The following RTCA variants were observed in gnomAD, a reference collection of about 807,000 sequenced individuals.
RTCA encodes the protein RNA 3'-terminal phosphate cyclase, also known as RNA terminal phosphate cyclase domain 1.
Under a neutral mutation model 46.1 loss-of-function variants are expected in RTCA, and 37 were observed. That is an observed-to-expected ratio of 0.80 (90% CI 0.62 to 1.06). The LOEUF (loss-of-function observed/expected upper bound fraction) is 1.06, where lower values mean the gene tolerates loss of function less well. Among genes scored for constraint, RTCA ranks in the 50% least tolerant of loss-of-function variants. The probability of loss-of-function intolerance (pLI) is 0.00; values close to 1 mark genes in which losing one functional copy is unlikely to be tolerated. For missense variants in RTCA, 435 were observed against 455.5 expected, an observed-to-expected ratio of 0.95 and a Z score of 0.41; for synonymous variants, 164 against 158.3, an observed-to-expected ratio of 1.04 and a Z score of -0.27.
chr1:100,285,507 A>G (rs1666973931), intron 9 of RTCA, among the ~76,000 whole-genome samples, 185 bp downstream of exon 9: 1 of 152,204 alleles, frequency 6.6e-6, no homozygotes, highest in Non-Finnish European at 1.5e-5. Context: ...ACGTGTCTAC[A>G]GTGTTTTGCG....
intron 8 of RTCA, among the ~76,000 whole-genome samples, chr1:100,278,963 TTTA>T: frequency 6.6e-6 from 1 of 152,336 alleles, no homozygotes; most frequent in East Asian, 1.9e-4. Flanking sequence ...TCCAGGTACT[TTTA>T]ATGTATACTG....
rs1570867613 is a variant in RTCA at position 100,266,241 on chromosome 1, C to T, written c.-135C>T. ...AGTGTCCCGAGAGGCGCCGCTTCTTCCGCTTTCTCGTCAGGCTCCTGCGCC... is the reference window on the plus strand; with the variant it reads ...AGTGTCCCGAGAGGCGCCGCTTCTTTCGCTTTCTCGTCAGGCTCCTGCGCC... On this transcript the variant is annotated 5_prime_UTR_variant, in exon 1 of 11. Transcript: ENST00000370128. 7 of 1,078,686 alleles carry T rather than the reference C, an allele frequency of 6.5e-6. No homozygotes were observed. Among genetic ancestry groups the T allele is most frequent in the East Asian group, 2.5e-5 (1 of 39,700 alleles). The allele number at this position is 1,078,686 out of a possible 1,614,324, so 66.8% of individuals were successfully genotyped here. A position where few individuals can be genotyped will look rare whatever the true frequency, so the allele number is the denominator to read the frequency against.
At chr1:100,289,064 T>A (rs1207156095) in intron 10 of RTCA, among the ~76,000 whole-genome samples, 1 of 152,192 alleles carries the variant, frequency 6.6e-6, no homozygotes. Context: ...CCTTACGCGA[T>A]CTGCCTGCCT....
At chr1:100,275,136 G>A (rs1050158994) in intron 6 of RTCA, among the ~76,000 whole-genome samples, 171 bp downstream of exon 6, 1 of 152,144 alleles carries the variant, frequency 6.6e-6, no homozygotes, top group African/African-American at 2.4e-5. Context: ...GCAAATTAAT[G>A]TGGGAACAGA....
At chr1:100,283,038 C>T (rs1666797770) in intron 8 of RTCA, among the ~76,000 whole-genome samples, 1 of 151,950 alleles carries the variant, frequency 6.6e-6, no homozygotes, top group South Asian at 2.1e-4. Context: ...CTCAAGCTAT[C>T]TGCCTGCCTC....
At chr1:100,290,294 G>A (rs1667275725) in intron 10 of RTCA, among the ~76,000 whole-genome samples, 1 of 151,954 alleles carries the variant, frequency 6.6e-6, no homozygotes, top group South Asian at 2.1e-4. Context: ...GTTGATGGGA[G>A]TTGTGAGGAG....
chr1:100,280,502 A>G lies in RTCA; in HGVS notation c.799+3186A>G, dbSNP rs568050330. 3.9e-5 allele frequency among the ~76,000 whole-genome samples: 6 copies of G among 152,316 alleles called. No individual in the cohort carries two copies. The South Asian group carries it at 8.3e-4, about 21-fold the overall frequency. On this transcript the variant is annotated intron_variant, in intron 8 of 10. Transcript: ENST00000370128. ...AGGAGAGAATAGAGGAGAGAGCAACATGCCTGCTGAGATTGACTGACTCCT... is the reference window on the plus strand; with the variant it reads ...AGGAGAGAATAGAGGAGAGAGCAACGTGCCTGCTGAGATTGACTGACTCCT...
Position 100,266,280 on chromosome 1 carries a change from A to G in RTCA, c.-96A>G, listed in dbSNP as rs1665763406. Reference sequence around the variant, plus strand: ...GGCTCCTGCGCCCCAGGCATGAACCAAGGTTTCTGAACTACTGGGCGGGAG... The same window carrying G: ...GGCTCCTGCGCCCCAGGCATGAACCGAGGTTTCTGAACTACTGGGCGGGAG... On this transcript the variant is annotated 5_prime_UTR_variant, in exon 1 of 11. Transcript: ENST00000370128. 6.7e-7 allele frequency: 1 copy of G among 1,491,576 alleles called. No homozygotes were observed. Among genetic ancestry groups the G allele is most frequent in the African/African-American group, 1.4e-5 (1 of 70,566 alleles). 92.4% of individuals were successfully genotyped at this position (1,491,576 alleles called of 1,614,324 possible).
At chr1:100,283,849 A>T (rs1278441058) in intron 8 of RTCA, among the ~76,000 whole-genome samples, 3 of 143,934 alleles carry the variant, frequency 2.1e-5, no homozygotes, top group African/African-American at 7.6e-5. Flanking sequence ...ACACTTTGGG[A>T]GGCTGAAGCG....
intron 6 of RTCA, 49 bp from the exon 7 acceptor site, chr1:100,275,550 C>G: frequency 1.4e-6 from 2 of 1,468,018 alleles, no homozygotes; most frequent in Non-Finnish European, 1.8e-6. Context: ...AACAATTTTC[C>G]AAATAATCAG....
At chr1:100,279,302 G>T (rs1021684290) in intron 8 of RTCA, among the ~76,000 whole-genome samples, 2 of 152,140 alleles carry the variant, frequency 1.3e-5, no homozygotes, top group African/African-American at 4.8e-5. Flanking sequence ...CCAGTTCTAT[G>T]ATAGTGGTAT....
At chr1:100,284,548 C>T (rs1258700184) in intron 8 of RTCA, among the ~76,000 whole-genome samples, 1 of 152,152 alleles carries the variant, frequency 6.6e-6, no homozygotes, top group African/African-American at 2.4e-5. Flanking sequence ...CATGCACCAC[C>T]ATGCCCAGCT....
intron 8 of RTCA, among the ~76,000 whole-genome samples, chr1:100,279,061 G>T (rs547749277): frequency 6.6e-6 from 1 of 152,298 alleles, no homozygotes; most frequent in African/African-American, 2.4e-5. Context: ...TGTGGATATT[G>T]AGCCACTGCA....
In RTCA at chr1:100,266,611, A is replaced by T; in HGVS notation, c.133A>T (p.Thr45Ser). 1 of 1,612,360 alleles carries T rather than the reference A, an allele frequency of 6.2e-7. No individual in the cohort carries two copies. The highest frequency in any genetic ancestry group is 8.5e-7 in the Non-Finnish European group (1 of 1,178,992). ...RVQKIRAGRS[T>S]PGLRPQHLSG... Reference sequence around the variant, plus strand: ...GCAGAAGATCCGAGCCGGCCGGAGCACGCCAGGCCTGAGGTAAATCTGGCT... The same window carrying T: ...GCAGAAGATCCGAGCCGGCCGGAGCTCGCCAGGCCTGAGGTAAATCTGGCT... Residue 45 changes from threonine to serine, a missense_variant, in exon 2 of 11, where the codon ACG (threonine) becomes TCG (serine). Coordinates refer to ENST00000370128, the MANE Select transcript of RTCA (RefSeq NM_003729.4).
rs1667347655 is a variant in RTCA, at chr1:100,291,429, A to C, written c.1026A>C (p.Glu342Asp). 1 of 1,611,832 alleles carries C rather than the reference A, an allele frequency of 6.2e-7. No homozygotes were observed. The highest frequency in any genetic ancestry group is 2.2e-5 in the East Asian group (1 of 44,782). The change falls in exon 11 of 11, where the codon GAA becomes GAC. Residue 342 changes from glutamate (E) to aspartate (D), a missense_variant. Glu to Asp is a conservative substitution (Grantham distance 45). Coordinates refer to ENST00000370128, the MANE Select transcript of RTCA (RefSeq NM_003729.4). ...CTAAATTTATTGTGAAGAAATCAGA[A>C]GATGAAGAAGACGCCGCTAAAGATA... ...AKAKFIVKKS[E>D]DEEDAAKDTY...
chr1:100,275,237 G>A (rs1666309474), intron 6 of RTCA, among the ~76,000 whole-genome samples: 1 of 152,126 alleles, frequency 6.6e-6, no homozygotes, highest in Non-Finnish European at 1.5e-5. Flanking sequence ...GCTAATGGGA[G>A]GAGGGTGGAA....
At chr1:100,266,717 A>T (rs1665799719) in intron 2 of RTCA, 93 bp downstream of exon 2, 1 of 1,070,534 alleles carries the variant, frequency 9.3e-7, no homozygotes, top group Non-Finnish European at 1.4e-6. Context: ...GAGTGGTGGA[A>T]CCCAGAAGGT....
intron 6 of RTCA, 84 bp from the exon 7 acceptor site, chr1:100,275,515 T>C (rs1389210187): frequency 2.9e-6 from 3 of 1,046,706 alleles, no homozygotes; most frequent in African/African-American, 1.6e-5. Context: ...CTACCAATTA[T>C]TTTATGTGTC....
In RTCA at chr1:100,291,646, G is replaced by C. The variant is rs951195389; in HGVS notation, c.*142G>C. On this transcript the variant is annotated 3_prime_UTR_variant, in exon 11 of 11. Coordinates refer to ENST00000370128, the MANE Select transcript of RTCA (RefSeq NM_003729.4). ...ACAGTGTTCTAGGTTTGCTGAGAAG[G>C]CTTCATTAAATTAATCTCACTTTGA... is the stretch of plus-strand genomic sequence containing the variant. The C allele has an allele frequency of 4.1e-6, 2 of 486,242 alleles. No homozygotes were observed. The highest frequency in any genetic ancestry group is 3.6e-6 in the Non-Finnish European group (1 of 274,674). 30.1% of individuals were successfully genotyped at this position (486,242 alleles called of 1,614,324 possible).
Sources: allele counts gnomAD v4.1 joint callset (sites outside exome capture counted in the v4.1 genomes callset), GRCh38; gene constraint gnomAD v4.1.1; transcripts MANE v1.5; gene names NCBI Gene and HGNC (gene_info 2026-07-23, HGNC 2026-07-21).